PLCG1: variants seen among roughly 807,000 people sequenced by gnomAD.
PLCG1 encodes 1-phosphatidylinositol 4,5-bisphosphate phosphodiesterase gamma-1.
Under a neutral mutation model 177.8 loss-of-function variants are expected in PLCG1, and 71 were observed. That is an observed-to-expected ratio of 0.40 (90% CI 0.33 to 0.49). The LOEUF is 0.49. Among genes scored for constraint, PLCG1 ranks in the 20% least tolerant of loss-of-function variants. PLCG1 has a pLI of 0.72. For missense variants in PLCG1, 1,281 were observed against 1,709.0 expected, an observed-to-expected ratio of 0.75 and a Z score of 4.42; for synonymous variants, 658 against 647.9, an observed-to-expected ratio of 1.02 and a Z score of -0.24.
rs750281814 is a variant in PLCG1 at position 41,159,564 on chromosome 20, G to C, written c.218-42G>C. On this transcript the variant is annotated intron_variant, in intron 1 of 31. Coordinates refer to ENST00000685551, the MANE Select transcript of PLCG1 (RefSeq NM_002660.3). The surrounding 1 kb of genome is among the most constrained non-coding windows in gnomAD (Gnocchi z 6.0). Reference sequence around the variant, plus strand: ...TGCCCTCCTTTCGGTGTTGACTCTGGGAGACCCCAGCTTGATCTTGGCCTC... The same window carrying C: ...TGCCCTCCTTTCGGTGTTGACTCTGCGAGACCCCAGCTTGATCTTGGCCTC... 1 of 1,604,886 alleles carries C rather than the reference G, an allele frequency of 6.2e-7. No homozygotes were observed. The highest frequency in any genetic ancestry group is 8.5e-7 in the Non-Finnish European group (1 of 1,174,972).
intron 6 of PLCG1, 93 bp from the exon 7 acceptor site, chr20:41,162,865 C>T (rs2035558257): frequency 7.4e-7 from 1 of 1,352,732 alleles, no homozygotes; most frequent in Non-Finnish European, 1.1e-6. Flanking sequence ...TTGAGGCCTG[C>T]CCCCATCTGC....
At chr20:41,149,960 A>G (rs2035115613) in intron 1 of PLCG1, among the ~76,000 whole-genome samples, 1 of 151,946 alleles carries the variant, frequency 6.6e-6, no homozygotes, top group African/African-American at 2.4e-5. Flanking sequence ...TTGGGAGGCC[A>G]AGACTGGCGA....
Position 41,172,617 on chromosome 20 carries a change from G to T in PLCG1, c.3102G>T (p.Gln1034His), listed in dbSNP as rs755073893. 6.2e-7 allele frequency: 1 copy of T among 1,614,180 alleles called. No homozygotes were observed. Among genetic ancestry groups the T allele is most frequent in the East Asian group, 2.2e-5 (1 of 44,888 alleles). ...TGCCCATGTGGATCTGTGGCAGTCA[G>T]CTTGTGGCCCTCAACTTCCAGACCC... ...DPLPMWICGS[Q>H]LVALNFQTPD... The change falls in exon 26 of 32, where the codon CAG becomes CAT. Residue 1034 changes from glutamine to histidine, a missense_variant. Gln to His is a conservative substitution (Grantham distance 24, BLOSUM62 0). This residue lies in a region of PLCG1 where 723 missense variants were observed against 1,030.0 expected (regional missense o/e 0.70). Transcript: ENST00000685551. The surrounding 1 kb of genome is among the most constrained non-coding windows in gnomAD (Gnocchi z 7.0).
In PLCG1 at chr20:41,172,025, G is replaced by A. The variant is rs2035917338; in HGVS notation, c.2809-168G>A. On this transcript the variant is annotated intron_variant, in intron 24 of 31. Transcript: ENST00000685551. The surrounding 1 kb of genome is among the most constrained non-coding windows in gnomAD (Gnocchi z 7.0). ...AAGATGATTTCAGGATGAGGCTGAG[G>A]ACAGAGCTCCCTCATTTACTGTTGG... Among the ~76,000 whole-genome samples the A allele has an allele frequency of 6.6e-6, 1 of 152,240 alleles. No individual in the cohort carries two copies. Among genetic ancestry groups the A allele is most frequent in the Non-Finnish European group, 1.5e-5 (1 of 68,050 alleles).
intron 1 of PLCG1, among the ~76,000 whole-genome samples, chr20:41,140,185 G>C (rs892695512): frequency 2.0e-5 from 3 of 152,200 alleles, no homozygotes; most frequent in African/African-American, 7.2e-5. Context: ...AGAGTAGGCA[G>C]AGGATGTAGG....
rs138025939 is a variant in PLCG1 at position 41,141,312 on chromosome 20, A to G, written c.217+3454A>G. ...GCCAGGCCCTCTGAGGTGAAGGAGTATGGGTGCTTGCTTTTAGGGAAATGA... is the reference window on the plus strand; with the variant it reads ...GCCAGGCCCTCTGAGGTGAAGGAGTGTGGGTGCTTGCTTTTAGGGAAATGA... On this transcript the variant is annotated intron_variant, in intron 1 of 31. Coordinates refer to ENST00000685551, the MANE Select transcript of PLCG1 (RefSeq NM_002660.3). Among the ~76,000 whole-genome samples the G allele has an allele frequency of 2.0e-5, 3 of 152,368 alleles. No individual in the cohort carries two copies. The East Asian group carries it at 5.8e-4, about 29-fold the overall frequency.
Position 41,153,198 on chromosome 20 carries a change from C to G in PLCG1, c.218-6408C>G, listed in dbSNP as rs1406061477. Among the ~76,000 whole-genome samples, 3 of 152,180 alleles carry G rather than the reference C, an allele frequency of 2.0e-5. No homozygotes were observed. The highest frequency in any genetic ancestry group is 4.4e-5 in the Non-Finnish European group (3 of 68,022). ...GCAGTTTTTTTAAGTTACAAAATTTCTTTACTCCATGCATGTTTAAATGGA... is the reference window on the plus strand; with the variant it reads ...GCAGTTTTTTTAAGTTACAAAATTTGTTTACTCCATGCATGTTTAAATGGA... On this transcript the variant is annotated intron_variant, in intron 1 of 31. Coordinates refer to ENST00000685551, the MANE Select transcript of PLCG1 (RefSeq NM_002660.3). This position sits in a 1 kb window ranked among gnomAD's most constrained non-coding sequence, Gnocchi z 5.1.
chr20:41,137,905 T>G lies in PLCG1; in HGVS notation c.217+47T>G. 2 of 1,199,582 alleles carry G rather than the reference T, an allele frequency of 1.7e-6. No individual in the cohort carries two copies. Among genetic ancestry groups the G allele is most frequent in the Non-Finnish European group, 2.1e-6 (2 of 945,402 alleles). The allele number at this position is 1,199,582 out of a possible 1,614,324, so 74.3% of individuals were successfully genotyped here. On this transcript the variant is annotated intron_variant, in intron 1 of 31. Transcript: ENST00000685551. The surrounding 1 kb of genome is among the most constrained non-coding windows in gnomAD (Gnocchi z 7.3). ...CTGGGCCCGCCCCGCGCGGGGGTCG[T>G]GGGAGCCCGGCCCGACTGCTTGCAC...
intron 1 of PLCG1, among the ~76,000 whole-genome samples, chr20:41,139,328 G>A (rs888654015): frequency 3.3e-5 from 5 of 152,176 alleles, no homozygotes; most frequent in African/African-American, 1.2e-4. Context: ...AGATAACCCT[G>A]GGAACATCAC....
rs138283367 is a variant in PLCG1 at position 41,153,005 on chromosome 20, G to A, written c.218-6601G>A. Among the ~76,000 whole-genome samples the A allele has an allele frequency of 6.6e-6, 1 of 152,358 alleles. No individual in the cohort carries two copies. Among genetic ancestry groups the A allele is most frequent in the African/African-American group, 2.4e-5 (1 of 41,588 alleles). On this transcript the variant is annotated intron_variant, in intron 1 of 31. Transcript: ENST00000685551. The surrounding 1 kb of genome is among the most constrained non-coding windows in gnomAD (Gnocchi z 5.1). Reference sequence around the variant, plus strand: ...TGGGCTTTCCCTGCCTTCCTCCAGTGCCCTCTGCAGAGTGGGGCACACAGG... The same window carrying A: ...TGGGCTTTCCCTGCCTTCCTCCAGTACCCTCTGCAGAGTGGGGCACACAGG...
chr20:41,170,006 G>A, intron 23 of PLCG1, 106 bp from the exon 24 acceptor site: 1 of 1,045,092 alleles, frequency 9.6e-7, no homozygotes, highest in South Asian at 1.5e-5. Flanking sequence ...TGGGAAGGAG[G>A]AAATGGGATG....
rs890543760 is a variant in PLCG1 at position 41,156,772 on chromosome 20, C to G, written c.218-2834C>G. Among the ~76,000 whole-genome samples, 1 of 152,228 alleles carries G rather than the reference C, an allele frequency of 6.6e-6. No homozygotes were observed. Among genetic ancestry groups the G allele is most frequent in the Non-Finnish European group, 1.5e-5 (1 of 68,034 alleles). ...AAGGTCTCTTTTCCTGCCCTCCTGA[C>G]TAATGGCAGAGAGGTCTGACCCAGA... On this transcript the variant is annotated intron_variant, in intron 1 of 31. Transcript: ENST00000685551. This position sits in a 1 kb window ranked among gnomAD's most constrained non-coding sequence, Gnocchi z 5.0.
chr20:41,159,892 C>T lies in PLCG1; in HGVS notation c.393C>T (p.Asn131=). The change falls in exon 3 of 32, where the codon AAC becomes AAT. Residue 131 remains asparagine, a synonymous_variant. Transcript: ENST00000685551. This position sits in a 1 kb window ranked among gnomAD's most constrained non-coding sequence, Gnocchi z 6.0. Reference sequence around the variant, plus strand: ...CAGCCACATCTGAGGATGAAGTGAACATGTGGATCAAGGGCTTAACTTGGC... The same window carrying T: ...CAGCCACATCTGAGGATGAAGTGAATATGTGGATCAAGGGCTTAACTTGGC... ...SLQATSEDEV[N]MWIKGLTWLM... 1 of 1,614,104 alleles carries T rather than the reference C, an allele frequency of 6.2e-7. No individual in the cohort carries two copies. The highest frequency in any genetic ancestry group is 8.5e-7 in the Non-Finnish European group (1 of 1,179,966).
rs370818638 is a variant in PLCG1 at position 41,172,846 on chromosome 20, G to C, written c.3248G>C (p.Arg1083Pro). The change falls in exon 27 of 32, where the codon CGC becomes CCC. Residue 1083 changes from arginine to proline, a missense_variant. Around this residue, in one of 4 missense-constraint regions of PLCG1, gnomAD observed 723 missense variants for 1,030.0 expected, o/e 0.70. Coordinates refer to ENST00000685551, the MANE Select transcript of PLCG1 (RefSeq NM_002660.3). The surrounding 1 kb of genome is among the most constrained non-coding windows in gnomAD (Gnocchi z 7.0). ...AFDPFDKSSL[R>P]GLEPCAISIE... ...GACCCCTTTGACAAGAGCAGCCTCC[G>C]CGGGCTGGAGCCATGTGCCATCTCT... 6.2e-7 allele frequency: 1 copy of C among 1,614,086 alleles called. No homozygotes were observed. Among genetic ancestry groups the C allele is most frequent in the Non-Finnish European group, 8.5e-7 (1 of 1,180,012 alleles).
In PLCG1 at chr20:41,159,550, C is replaced by A; in HGVS notation, c.218-56C>A. ...TGAGGAAACCAGGCTGCCCTCCTTTCGGTGTTGACTCTGGGAGACCCCAGC... is the reference window on the plus strand; with the variant it reads ...TGAGGAAACCAGGCTGCCCTCCTTTAGGTGTTGACTCTGGGAGACCCCAGC... On this transcript the variant is annotated intron_variant, in intron 1 of 31. Coordinates refer to ENST00000685551, the MANE Select transcript of PLCG1 (RefSeq NM_002660.3). This position sits in a 1 kb window ranked among gnomAD's most constrained non-coding sequence, Gnocchi z 6.0. 1 of 1,581,282 alleles carries A rather than the reference C, an allele frequency of 6.3e-7. No homozygotes were observed. Among genetic ancestry groups the A allele is most frequent in the Admixed American group, 1.7e-5 (1 of 57,610 alleles).
At chr20:41,152,028 G>A (rs141579832) in intron 1 of PLCG1, among the ~76,000 whole-genome samples, 28 of 152,316 alleles carry the variant, frequency 1.8e-4, no homozygotes, top group African/African-American at 6.0e-4. Flanking sequence ...ACTTCTGCTG[G>A]AACTTTTCTT....
chr20:41,167,012 CCAGGAGGGTGTCTG>C lies in PLCG1; in HGVS notation c.2301+162_2301+175del. The C allele has an allele frequency of 1.5e-6, 1 of 686,192 alleles. No individual in the cohort carries two copies. Among genetic ancestry groups the C allele is most frequent in the Non-Finnish European group, 2.5e-6 (1 of 393,424 alleles). 42.5% of individuals were successfully genotyped at this position (686,192 alleles called of 1,614,324 possible). A position where few individuals can be genotyped will look rare whatever the true frequency, so the allele number is the denominator to read the frequency against. On this transcript the variant is annotated intron_variant, in intron 19 of 31. Transcript: ENST00000685551. The surrounding 1 kb of genome is among the most constrained non-coding windows in gnomAD (Gnocchi z 4.4). ...CCAGCTGGGAGCCACAGTGTGGGTA[CCAGGAGGGTGTCTG>C]CAGGAGGGGACATCTGAGCAGCATC...
chr20:41,169,513 G>T lies in PLCG1; in HGVS notation c.2637G>T (p.Pro879=), dbSNP rs374955310. ...GDLLRGVLDV[P]ACQIAIRPEG... is the part of the protein sequence containing the mutation. ...TGCTGCGGGGGGTCTTGGATGTGCCGGCTTGTCAGATTGGTGAGCTCCCAT... is the reference window on the plus strand; with the variant it reads ...TGCTGCGGGGGGTCTTGGATGTGCCTGCTTGTCAGATTGGTGAGCTCCCAT... The change falls in exon 23 of 32, where the codon CCG becomes CCT. Residue 879 remains proline, a synonymous_variant. Coordinates refer to ENST00000685551, the MANE Select transcript of PLCG1 (RefSeq NM_002660.3). The T allele has an allele frequency of 6.2e-7, 1 of 1,613,070 alleles. No individual in the cohort carries two copies. The highest frequency in any genetic ancestry group is 1.3e-5 in the African/African-American group (1 of 74,898).
rs927215490 is a variant in PLCG1, at chr20:41,148,169, T to A, written c.217+10311T>A. 1.3e-5 allele frequency among the ~76,000 whole-genome samples: 2 copies of A among 152,192 alleles called. No homozygotes were observed. The highest frequency in any genetic ancestry group is 4.8e-5 in the African/African-American group (2 of 41,448). ...TAGAACGTCTCCAGCCCCACAGATTTACTCTGTTGGAGGCTTAAGGACTAA... is the reference window on the plus strand; with the variant it reads ...TAGAACGTCTCCAGCCCCACAGATTAACTCTGTTGGAGGCTTAAGGACTAA... On this transcript the variant is annotated intron_variant, in intron 1 of 31. Coordinates refer to ENST00000685551, the MANE Select transcript of PLCG1 (RefSeq NM_002660.3). This position sits in a 1 kb window ranked among gnomAD's most constrained non-coding sequence, Gnocchi z 4.3.
Sources: gnomAD v4.1 joint callset for allele counts (sites outside exome capture counted in the v4.1 genomes callset) on GRCh38, gnomAD v4.1.1 for gene constraint, gnomAD v4.1.1 regional missense constraint, Gnocchi (gnomAD v3.1) non-coding constraint, MANE v1.5 for transcripts, NCBI Gene and HGNC (gene_info 2026-07-23, HGNC 2026-07-21) for gene names.